Variants in RAB4A observed in about 807,000 individuals in gnomAD.
RAB4A encodes the protein ras-related protein Rab-4A.
In RAB4A, 20 loss-of-function variants were observed where a neutral mutation model predicts 34.5. That is an observed-to-expected ratio of 0.58 (90% CI 0.41 to 0.84). The LOEUF is 0.84. Among genes scored for constraint, RAB4A ranks in the 40% least tolerant of loss-of-function variants. The pLI is 0.00. For missense variants in RAB4A, 228 were observed against 274.5 expected, an observed-to-expected ratio of 0.83 and a Z score of 1.20; for synonymous variants, 102 against 100.0, an observed-to-expected ratio of 1.02 and a Z score of -0.12.
At chr1:229,273,560 C>A (rs983432252) in intron 1 of RAB4A, among the ~76,000 whole-genome samples, 3 of 152,002 alleles carry the variant, frequency 2.0e-5, no homozygotes, top group African/African-American at 7.2e-5. Flanking sequence ...GCCAACATGG[C>A]GAAACCCCAG....
Position 229,298,935 on chromosome 1 carries a change from A to G in RAB4A, c.446-42A>G, listed in dbSNP as rs750230520. On this transcript the variant is annotated intron_variant, in intron 5 of 7. Coordinates refer to ENST00000366690, the MANE Select transcript of RAB4A (RefSeq NM_004578.4). ...GCTTTTGTAAGTGAAAATTATGATC[A>G]TCTTCTAAACATGACTTTATTTTGT... 5.6e-6 allele frequency: 8 copies of G among 1,421,514 alleles called. No homozygotes were observed. In the Admixed American group the frequency reaches 7.6e-5, roughly 13 times the overall value. The allele number at this position is 1,421,514 out of a possible 1,614,324, so 88.1% of individuals were successfully genotyped here. A position where few individuals can be genotyped will look rare whatever the true frequency, so the allele number is the denominator to read the frequency against.
rs762530642 is a variant in RAB4A, at chr1:229,302,857, C to T, written c.542-5C>T. ...TTTTTAAAAGAAGACTTGCTTGGTC[C>T]TTAGGTGAGCTGGACCCAGAAAGAA... On this transcript the variant is annotated splice_region_variant and splice_polypyrimidine_tract_variant and intron_variant, in intron 6 of 7. Coordinates refer to ENST00000366690, the MANE Select transcript of RAB4A (RefSeq NM_004578.4). 2.2e-5 allele frequency: 35 copies of T among 1,604,304 alleles called. No homozygotes were observed. The highest frequency in any genetic ancestry group is 3.4e-5 in the Admixed American group (2 of 59,516).
At position 229,275,642 on chromosome 1, in the gene RAB4A, A is replaced by T. The variant is rs534733218; in HGVS notation, c.31+4272A>T. Among the ~76,000 whole-genome samples the T allele has an allele frequency of 3.0e-5, 4 of 134,952 alleles. No homozygotes were observed. In the South Asian group the frequency reaches 9.8e-4, roughly 33 times the overall value. 88.5% of individuals were successfully genotyped at this position (134,952 alleles called of 152,430 possible). ...TTTTTTTTTTTTTTTTTTCTTTGAG[A>T]TAGAGTCTCTCACTGTTGCCCAGGC... is the stretch of plus-strand genomic sequence containing the variant. On this transcript the variant is annotated intron_variant, in intron 1 of 7. Coordinates refer to ENST00000366690, the MANE Select transcript of RAB4A (RefSeq NM_004578.4).
At chr1:229,282,117 A>G (rs754270975) in intron 1 of RAB4A, among the ~76,000 whole-genome samples, 67 of 152,116 alleles carry the variant, frequency 4.4e-4, no homozygotes, top group Non-Finnish European at 9.4e-4. Flanking sequence ...TTGCAGGCAG[A>G]TGTCCTGGTG....
At chr1:229,273,338 A>T (rs934559202) in intron 1 of RAB4A, among the ~76,000 whole-genome samples, 3 of 152,238 alleles carry the variant, frequency 2.0e-5, no homozygotes, top group Non-Finnish European at 4.4e-5. Context: ...TTTGACCATT[A>T]GTATTCTTAT....
intron 1 of RAB4A, among the ~76,000 whole-genome samples, chr1:229,282,333 G>A (rs1389935001): frequency 1.3e-5 from 2 of 152,074 alleles, no homozygotes; most frequent in African/African-American, 4.8e-5. Flanking sequence ...TGTAGATATG[G>A]TATCATTTTT....
intron 1 of RAB4A, among the ~76,000 whole-genome samples, chr1:229,280,228 A>G (rs1051327183): frequency 6.6e-6 from 1 of 152,278 alleles, no homozygotes; most frequent in Non-Finnish European, 1.5e-5. Context: ...GCTGCAAACC[A>G]GCAAACATTG....
chr1:229,271,429 G>GGGGCC (rs1406436124), intron 1 of RAB4A, 59 bp downstream of exon 1: 24 of 1,182,300 alleles, frequency 2.0e-5, no homozygotes, highest in Admixed American at 9.1e-5. Context: ...TCGGTGGCGC[G>GGGGCC]GGGCCGGGCC....
intron 1 of RAB4A, among the ~76,000 whole-genome samples, chr1:229,275,504 A>G (rs1162754850): frequency 6.6e-6 from 1 of 152,176 alleles, no homozygotes; most frequent in African/African-American, 2.4e-5. Context: ...GCCCTAAGAA[A>G]CTAAAATATA....
intron 5 of RAB4A, among the ~76,000 whole-genome samples, chr1:229,298,734 C>G (rs1398290673): frequency 3.3e-5 from 5 of 152,214 alleles, no homozygotes; most frequent in Non-Finnish European, 5.9e-5. Flanking sequence ...GCTTGCTCAG[C>G]CCCTTCACCA....
intron 1 of RAB4A, 21 bp from the exon 2 acceptor site, chr1:229,286,465 C>T: frequency 2.1e-6 from 3 of 1,436,754 alleles, no homozygotes; most frequent in Admixed American, 2.1e-5. Context: ...GTTATTTTCA[C>T]AGTCTCTTTT....
intron 1 of RAB4A, among the ~76,000 whole-genome samples, chr1:229,286,062 C>A (rs1558237010): frequency 6.6e-6 from 1 of 152,124 alleles, no homozygotes; most frequent in Non-Finnish European, 1.5e-5. Flanking sequence ...TTCCCTTTTC[C>A]CCTGCTTTTT....
At chr1:229,285,306 AGCCT>A (rs1330766976) in intron 1 of RAB4A, among the ~76,000 whole-genome samples, 2 of 152,194 alleles carry the variant, frequency 1.3e-5, no homozygotes, top group Admixed American at 1.3e-4. Context: ...CAACGCGCTC[AGCCT>A]GGAACTTTTT....
chr1:229,292,670 A>G (rs1657125157), intron 3 of RAB4A, among the ~76,000 whole-genome samples: 1 of 152,210 alleles, frequency 6.6e-6, no homozygotes, highest in Non-Finnish European at 1.5e-5. Context: ...GTACATTTAA[A>G]AGTAGCTCTT....
intron 1 of RAB4A, among the ~76,000 whole-genome samples, chr1:229,281,975 CAAGAT>C (rs1342891145): frequency 6.6e-6 from 1 of 151,740 alleles, no homozygotes; most frequent in African/African-American, 2.4e-5. Flanking sequence ...GAAGAAAACT[CAAGAT>C]AAGAAGGAAA....
chr1:229,293,114 A>T (rs1266646296), intron 3 of RAB4A, among the ~76,000 whole-genome samples: 1 of 152,206 alleles, frequency 6.6e-6, no homozygotes, highest in Non-Finnish European at 1.5e-5. Context: ...CTGGTTTGTT[A>T]GATAGGTGTC....
At chr1:229,276,809 G>A (rs1346637920) in intron 1 of RAB4A, among the ~76,000 whole-genome samples, 1 of 150,798 alleles carries the variant, frequency 6.6e-6, no homozygotes, top group African/African-American at 2.5e-5. Flanking sequence ...TCATTCCAAA[G>A]TTCTTCGTCG....
At chr1:229,272,860 G>A (rs1656531631) in intron 1 of RAB4A, among the ~76,000 whole-genome samples, 1 of 152,184 alleles carries the variant, frequency 6.6e-6, no homozygotes, top group African/African-American at 2.4e-5. Flanking sequence ...TGACAAAGGG[G>A]CATGACATCT....
At chr1:229,290,542 C>T (rs919270387) in intron 3 of RAB4A, among the ~76,000 whole-genome samples, 6 of 152,206 alleles carry the variant, frequency 3.9e-5, no homozygotes, top group African/African-American at 1.2e-4. Context: ...CCTGCTCCAC[C>T]CACACATAAA....
Sources: gnomAD v4.1 joint callset for allele counts (sites outside exome capture counted in the v4.1 genomes callset) on GRCh38, gnomAD v4.1.1 for gene constraint, MANE v1.5 for transcripts, NCBI Gene and HGNC (gene_info 2026-07-23, HGNC 2026-07-21) for gene names.